SPIDR: variants seen among roughly 807,000 people sequenced by gnomAD.
The protein encoded by SPIDR is DNA repair-scaffolding protein.
Under a neutral mutation model 104.6 loss-of-function variants are expected in SPIDR, and 93 were observed. That is an observed-to-expected ratio of 0.89 (90% confidence interval 0.75 to 1.06). The LOEUF is 1.06. SPIDR is among the 50% of genes least tolerant of loss of function. The pLI is 0.00. For missense variants in SPIDR, 1,154 were observed against 1,111.2 expected, an observed-to-expected ratio of 1.04 and a Z score of -0.55; for synonymous variants, 431 against 416.9, an observed-to-expected ratio of 1.03 and a Z score of -0.41.
intron 1 of SPIDR, among the ~76,000 whole-genome samples, chr8:47,275,111 T>C (rs113650824): frequency 0.034 from 5,131 of 151,104 alleles, 92 homozygotes; most frequent in Middle Eastern, 0.048. Context: ...TACAAAAAAT[T>C]AGCCGCGCGT....
At chr8:47,551,182 T>C (rs1012837175) in intron 8 of SPIDR, among the ~76,000 whole-genome samples, 17 of 152,212 alleles carry the variant, frequency 1.1e-4, no homozygotes, top group East Asian at 9.6e-4. Context: ...CAGTATTTTA[T>C]TGAGGATTTT....
chr8:47,289,525 CTT>C (rs2039514559), intron 3 of SPIDR, among the ~76,000 whole-genome samples: 1 of 152,010 alleles, frequency 6.6e-6, no homozygotes, highest in South Asian at 2.1e-4. Flanking sequence ...TTGCTGTTGA[CTT>C]TTGATTCTGC....
At chr8:47,576,394 G>A (rs564533597) in intron 8 of SPIDR, among the ~76,000 whole-genome samples, 11 of 152,302 alleles carry the variant, frequency 7.2e-5, no homozygotes, top group African/African-American at 1.9e-4. Flanking sequence ...CAGGTGATCC[G>A]TCCGCCTTGG....
intron 11 of SPIDR, among the ~76,000 whole-genome samples, chr8:47,680,412 C>G (rs891562987): frequency 8.5e-5 from 13 of 152,238 alleles, no homozygotes; most frequent in African/African-American, 3.1e-4. Flanking sequence ...CCCGCAGAGC[C>G]CATCACGTTC....
chr8:47,575,578 C>T (rs1214145213), intron 8 of SPIDR, among the ~76,000 whole-genome samples: 4 of 145,190 alleles, frequency 2.8e-5, no homozygotes, highest in African/African-American at 1.0e-4. Flanking sequence ...ACCCGGGAGG[C>T]GGAGCTTGCA....
chr8:47,337,633 A>C (rs533585999), intron 5 of SPIDR, among the ~76,000 whole-genome samples: 1 of 151,070 alleles, frequency 6.6e-6, no homozygotes, highest in Non-Finnish European at 1.5e-5. Context: ...TGTCACATGT[A>C]AGAAACCATT....
chr8:47,351,987 G>C (rs573697676), intron 5 of SPIDR, among the ~76,000 whole-genome samples: 13 of 152,032 alleles, frequency 8.6e-5, no homozygotes, highest in Non-Finnish European at 1.5e-4. Flanking sequence ...CTGTGTTAGA[G>C]GATAATTTGG....
At position 47,614,594 on chromosome 8, in the gene SPIDR, A is replaced by G. The variant is rs947851274; in HGVS notation, c.1544+15398A>G. The stretch of plus-strand genomic sequence containing the variant: ...CCACATTTGCTTTATCCAGTCTATC[A>G]TTGGTGGGCATTTGGGTTGATTCTG... On this transcript the variant is annotated intron_variant, in intron 10 of 19. Transcript: ENST00000297423. Among the ~76,000 whole-genome samples, 10 of 152,284 alleles carry G rather than the reference A, an allele frequency of 6.6e-5. 1 individual carries two copies. The highest frequency in any genetic ancestry group is 4.1e-4 in the South Asian group (2 of 4,834).
At chr8:47,375,232 G>GC (rs2058508526) in intron 5 of SPIDR, among the ~76,000 whole-genome samples, 2 of 108,882 alleles carry the variant, frequency 1.8e-5, no homozygotes, top group Admixed American at 1.2e-4. Context: ...GAGTTAATAG[G>GC]CTTTTTTTTT....
chr8:47,427,296 T>C (rs1554685699), intron 7 of SPIDR, among the ~76,000 whole-genome samples: 1 of 149,882 alleles, frequency 6.7e-6, no homozygotes, highest in Non-Finnish European at 1.5e-5. Context: ...TGGAAAAGGG[T>C]TGGGACAGGG....
intron 8 of SPIDR, among the ~76,000 whole-genome samples, chr8:47,524,941 A>G (rs191157202): frequency 7.2e-5 from 11 of 152,184 alleles, no homozygotes; most frequent in Non-Finnish European, 1.5e-4. Context: ...GAGATCTTTT[A>G]CAGAAGGAAG....
At chr8:47,430,661 T>A (rs2067200364) in intron 7 of SPIDR, among the ~76,000 whole-genome samples, 1 of 152,228 alleles carries the variant, frequency 6.6e-6, no homozygotes, top group Non-Finnish European at 1.5e-5. Flanking sequence ...CCACCCATAA[T>A]TAGTAACTTG....
chr8:47,452,268 A>C (rs1363229163), intron 8 of SPIDR, among the ~76,000 whole-genome samples: 1 of 152,146 alleles, frequency 6.6e-6, no homozygotes, highest in African/African-American at 2.4e-5. Flanking sequence ...ATCAATGAGA[A>C]AACGAAACAA....
intron 11 of SPIDR, among the ~76,000 whole-genome samples, chr8:47,677,747 C>T (rs1296587326): frequency 1.3e-5 from 2 of 152,208 alleles, no homozygotes; most frequent in African/African-American, 4.8e-5. Flanking sequence ...TAGATCTTAG[C>T]TGACTGATCT....
At chr8:47,501,400 AAGC>A (rs1218521012) in intron 8 of SPIDR, among the ~76,000 whole-genome samples, 2 of 151,944 alleles carry the variant, frequency 1.3e-5, no homozygotes, top group African/African-American at 4.8e-5. Flanking sequence ...ATTCTCTTTG[AAGC>A]AATTGTGAAT....
At chr8:47,572,334 A>G (rs1223504978) in intron 8 of SPIDR, among the ~76,000 whole-genome samples, 1 of 152,150 alleles carries the variant, frequency 6.6e-6, no homozygotes, top group African/African-American at 2.4e-5. Flanking sequence ...TCGATAAGAT[A>G]TTATCAGTAA....
Position 47,291,081 on chromosome 8 carries a change from G to A in SPIDR, c.305G>A (p.Ser102Asn), listed in dbSNP as rs1231880244. Reference sequence around the variant, plus strand: ...AGTGGGCTTACAGACATAACATGGAGCTCCAGTGGAAGTGATTTGTCGGAT... The same window carrying A: ...AGTGGGCTTACAGACATAACATGGAACTCCAGTGGAAGTGATTTGTCGGAT... Reference protein sequence around the residue: ...STSGLTDITWSSSGSDLSDED... With the variant: ...STSGLTDITWNSSGSDLSDED... Residue 102 changes from serine to asparagine, a missense_variant, in exon 4 of 20, where the codon AGC becomes AAC. Ser to Asn is a conservative substitution (Grantham distance 46, BLOSUM62 1). Transcript: ENST00000297423. 6 of 1,613,132 alleles carry A rather than the reference G, an allele frequency of 3.7e-6. No individual in the cohort carries two copies. Among genetic ancestry groups the A allele is most frequent in the Non-Finnish European group, 5.1e-6 (6 of 1,179,502 alleles).
chr8:47,460,051 C>A (rs1198548228), intron 8 of SPIDR, among the ~76,000 whole-genome samples: 1 of 152,068 alleles, frequency 6.6e-6, no homozygotes, highest in Non-Finnish European at 1.5e-5. Context: ...GTTTTGTGGC[C>A]TATCATATGG....
chr8:47,486,929 G>T (rs2077730757), intron 8 of SPIDR, among the ~76,000 whole-genome samples: 1 of 152,192 alleles, frequency 6.6e-6, no homozygotes, highest in African/African-American at 2.4e-5. Context: ...ATGCTAGGAA[G>T]AAACTGCATT....
Sources: allele counts gnomAD v4.1 joint callset (sites outside exome capture counted in the v4.1 genomes callset), GRCh38; gene constraint gnomAD v4.1.1; transcripts MANE v1.5; gene names NCBI Gene and HGNC (gene_info 2026-07-23, HGNC 2026-07-21).